The following CCDC171 variants were observed in gnomAD, a reference collection of about 807,000 sequenced individuals.
CCDC171 encodes coiled-coil domain containing 171.
CCDC171 carries 177 observed loss-of-function variants against 168.2 expected under a neutral mutation model. The observed-to-expected ratio is 1.05, with a 90% confidence interval of 0.93 to 1.19. The LOEUF (loss-of-function observed/expected upper bound fraction) is 1.19. CCDC171 is among the 50% of genes most tolerant of loss of function. The pLI is 0.00. For synonymous variants in CCDC171, 687 were observed against 540.8 expected (o/e 1.27, Z -3.75); for missense variants, 1,991 against 1,539.0 (o/e 1.29, Z -4.91).
At chr9:15,648,055 A>G (rs140505764) in intron 7 of CCDC171, among the ~76,000 whole-genome samples, 2,258 of 152,320 alleles carry the variant, frequency 0.015, 66 homozygotes, top group African/African-American at 0.051. Flanking sequence ...CACCATGATC[A>G]AGTGGGCTTC....
chr9:15,568,267 CTTTT>C (rs554021809), intron 2 of CCDC171, among the ~76,000 whole-genome samples: 1 of 126,862 alleles, frequency 7.9e-6, no homozygotes, highest in East Asian at 2.4e-4. Flanking sequence ...TCCAATACAT[CTTTT>C]TTTTTTTTTT....
At chr9:15,645,765 G>T (rs528505162) in intron 7 of CCDC171, among the ~76,000 whole-genome samples, 1 of 152,300 alleles carries the variant, frequency 6.6e-6, no homozygotes, top group Admixed American at 6.5e-5. Context: ...CCACATCTAC[G>T]TCTGATTGGT....
Position 15,724,860 on chromosome 9 carries a change from A to G in CCDC171, c.1576A>G (p.Thr526Ala). ...KCADREALIS[T>A]LKVELQNVLH... ...TGCAGACCGAGAGGCTTTAATAAGC[A>G]CTTTAAAAGTGGAACTACAAAATGT... The change falls in exon 14 of 26, where the codon ACT becomes GCT. Residue 526 changes from threonine (T) to alanine (A), a missense_variant. Thr to Ala is a moderately conservative substitution (Grantham distance 58). Coordinates refer to ENST00000380701, the MANE Select transcript of CCDC171 (RefSeq NM_173550.4). The G allele has an allele frequency of 6.2e-7, 1 of 1,613,826 alleles. No homozygotes were observed. Among genetic ancestry groups the G allele is most frequent in the Non-Finnish European group, 8.5e-7 (1 of 1,179,762 alleles).
chr9:15,951,538 G>A (rs1164098046), intron 25 of CCDC171, among the ~76,000 whole-genome samples: 1 of 151,784 alleles, frequency 6.6e-6, no homozygotes, highest in East Asian at 1.9e-4. Flanking sequence ...TTGTTTGTTT[G>A]TTTGCTTGTT....
At chr9:15,986,660 C>G (rs1432845841) in intron 3 of CCDC171, among the ~76,000 whole-genome samples, 4 of 152,216 alleles carry the variant, frequency 2.6e-5, no homozygotes, top group African/African-American at 9.6e-5. Context: ...TGGAGACCAA[C>G]TTACTGAACT....
At position 15,614,528 on chromosome 9, in the gene CCDC171, C is replaced by G. The variant is rs2043945073; in HGVS notation, c.676-8739C>G. Among the ~76,000 whole-genome samples, 3 of 152,288 alleles carry G rather than the reference C, an allele frequency of 2.0e-5. No homozygotes were observed. In the South Asian group the frequency reaches 6.2e-4, roughly 32 times the overall value. On this transcript the variant is annotated intron_variant, in intron 6 of 25. Transcript: ENST00000380701. ...TAAAGAGTTAACGAGAAATTAGATT[C>G]AGATAATTTTTGCCAGCATTCTTGT...
intron 4 of CCDC171, among the ~76,000 whole-genome samples, chr9:15,585,027 A>G (rs368718782): frequency 3.3e-5 from 5 of 152,250 alleles, no homozygotes; most frequent in Non-Finnish European, 7.3e-5. Context: ...GGAAATGCAA[A>G]TGAAAACCAT....
At chr9:16,027,312 AAG>A (rs1385796077) in intron 6 of CCDC171, among the ~76,000 whole-genome samples, 2 of 152,066 alleles carry the variant, frequency 1.3e-5, no homozygotes, top group Non-Finnish European at 2.9e-5. Context: ...TTTCTAGTAA[AAG>A]AGAGAGAAAG....
At chr9:15,574,334 G>A (rs1372782074) in intron 3 of CCDC171, among the ~76,000 whole-genome samples, 1 of 151,426 alleles carries the variant, frequency 6.6e-6, no homozygotes, top group Admixed American at 6.6e-5. Context: ...TAGTAGAGAC[G>A]GGATTTCACC....
chr9:15,639,259 G>C (rs1228819092), intron 7 of CCDC171, among the ~76,000 whole-genome samples: 1 of 151,970 alleles, frequency 6.6e-6, no homozygotes, highest in South Asian at 2.1e-4. Context: ...ATAGGTAAAT[G>C]ATGAAATCAC....
chr9:15,700,198 C>T (rs998651805), intron 11 of CCDC171, among the ~76,000 whole-genome samples: 11 of 152,230 alleles, frequency 7.2e-5, no homozygotes, highest in African/African-American at 2.2e-4. Context: ...GGGAAGGCAG[C>T]TAAGGCCCGG....
intron 11 of CCDC171, among the ~76,000 whole-genome samples, chr9:15,707,964 C>T (rs966223834): frequency 1.3e-5 from 2 of 152,216 alleles, no homozygotes; most frequent in African/African-American, 4.8e-5. Flanking sequence ...TCTCCAGCCT[C>T]AGCCTCTCAG....
Position 16,029,432 on chromosome 9 carries a change from G to A in CCDC171, n.999-6025G>A, listed in dbSNP as rs960039250. Among the ~76,000 whole-genome samples the A allele has an allele frequency of 2.6e-5, 4 of 152,188 alleles. No individual in the cohort carries two copies. In the East Asian group the frequency reaches 5.8e-4, roughly 22 times the overall value. On this transcript the variant is annotated intron_variant and non_coding_transcript_variant, in intron 6 of 9. Coordinates refer to the CCDC171 transcript ENST00000486641. ...TCTCTAGAGGAACTCTGATAAATTG[G>A]TGATGCTTGGAGGGCTGTGCTGACA... is the stretch of plus-strand genomic sequence containing the variant.
chr9:15,918,296 G>C (rs1187358254), intron 24 of CCDC171, among the ~76,000 whole-genome samples: 1 of 151,510 alleles, frequency 6.6e-6, no homozygotes, highest in African/African-American at 2.4e-5. Flanking sequence ...TTAATTTTCT[G>C]AGCCTTACAA....
intron 21 of CCDC171, among the ~76,000 whole-genome samples, chr9:15,814,431 A>G (rs889263777): frequency 6.6e-6 from 1 of 152,198 alleles, no homozygotes; most frequent in African/African-American, 2.4e-5. Context: ...AGGAAATGAT[A>G]GTAATTTGTG....
intron 6 of CCDC171, among the ~76,000 whole-genome samples, chr9:15,605,575 T>C (rs1463005250): frequency 3.4e-5 from 5 of 146,768 alleles, no homozygotes; most frequent in African/African-American, 7.6e-5. Flanking sequence ...TAATCCCAGC[T>C]ACTCAGGAGG....
intron 3 of CCDC171, among the ~76,000 whole-genome samples, chr9:15,576,078 C>T (rs1239408099): frequency 1.5e-5 from 2 of 137,602 alleles, no homozygotes; most frequent in African/African-American, 2.8e-5. Context: ...GGCAACAGAG[C>T]GAGACTCTGT....
intron 21 of CCDC171, among the ~76,000 whole-genome samples, chr9:15,828,314 A>T (rs1019039521): frequency 1.6e-5 from 2 of 124,396 alleles, no homozygotes; most frequent in African/African-American, 6.1e-5. Flanking sequence ...GGAAGGCAGG[A>T]GGTAAAAGAG....
intron 16 of CCDC171, among the ~76,000 whole-genome samples, chr9:15,735,367 T>C (rs532812135): frequency 6.6e-6 from 1 of 152,356 alleles, no homozygotes; most frequent in African/African-American, 2.4e-5. Context: ...TTAGCATTTA[T>C]GTTCTTGTTT....
Sources: gnomAD v4.1 joint callset for allele counts (sites outside exome capture counted in the v4.1 genomes callset) on GRCh38, gnomAD v4.1.1 for gene constraint, MANE v1.5 for transcripts, NCBI Gene and HGNC (gene_info 2026-07-23, HGNC 2026-07-21) for gene names.